LINGO2: variants seen among roughly 807,000 people sequenced by gnomAD.
LINGO2 encodes the protein leucine rich repeat and Ig domain containing 2, also known as leucine-rich repeat and immunoglobulin-like domain-containing nogo receptor-interacting protein 2.
In LINGO2, 14 loss-of-function variants were observed where a neutral mutation model predicts 30.6. That is an observed-to-expected ratio of 0.46 (90% CI 0.30 to 0.72). The LOEUF is 0.72. LINGO2 is among the 30% of genes least tolerant of loss of function. The probability of loss-of-function intolerance (pLI) is 0.07; values close to 1 mark genes in which losing one functional copy is unlikely to be tolerated. For missense variants in LINGO2, 729 were observed against 751.7 expected, an observed-to-expected ratio of 0.97 and a Z score of 0.35; for synonymous variants, 317 against 288.5, an observed-to-expected ratio of 1.10 and a Z score of -1.00.
chr9:28,889,348 G>A, the LINGO2 span, among the ~76,000 whole-genome samples: 2 of 152,024 alleles, frequency 1.3e-5, no homozygotes, highest in Non-Finnish European at 2.9e-5. Context: ...ATCTAGCAAA[G>A]GGAACTACGA....
intron 4 of LINGO2, among the ~76,000 whole-genome samples, chr9:28,277,766 A>G (rs1314026386): frequency 6.6e-6 from 1 of 151,618 alleles, no homozygotes; most frequent in Non-Finnish European, 1.5e-5. Flanking sequence ...TAGTTAGCCT[A>G]GATGGTGCCA....
At chr9:28,282,112 GA>G (rs1231693445) in intron 4 of LINGO2, among the ~76,000 whole-genome samples, 26 of 152,228 alleles carry the variant, frequency 1.7e-4, no homozygotes, top group African/African-American at 5.5e-4. Context: ...TTAGACTTGG[GA>G]AGTAGAAAGA....
intron 5 of LINGO2, among the ~76,000 whole-genome samples, chr9:27,963,265 C>T (rs1006799485): frequency 6.6e-6 from 1 of 152,046 alleles, no homozygotes; most frequent in African/African-American, 2.4e-5. Context: ...ATAATGGTTT[C>T]GTTTGTTGAA....
intron 4 of LINGO2, among the ~76,000 whole-genome samples, chr9:28,174,073 G>A (rs763088559): frequency 1.3e-5 from 2 of 152,174 alleles, no homozygotes; most frequent in Non-Finnish European, 2.9e-5. Context: ...CAATGTGGAT[G>A]CACTAAGTTT....
chr9:28,990,938 A>G, the LINGO2 span, among the ~76,000 whole-genome samples: 2 of 152,224 alleles, frequency 1.3e-5, no homozygotes, highest in Non-Finnish European at 2.9e-5. Context: ...AAAGACTGGA[A>G]ACTCTAAAAA....
the LINGO2 span, among the ~76,000 whole-genome samples, chr9:29,088,926 C>T: frequency 6.6e-6 from 1 of 152,030 alleles, no homozygotes; most frequent in Admixed American, 6.6e-5. Flanking sequence ...GAAATATGTG[C>T]TTCTGATATC....
intron 1 of LINGO2, among the ~76,000 whole-genome samples, chr9:28,507,964 T>C (rs1403655577): frequency 6.6e-6 from 1 of 152,098 alleles, no homozygotes; most frequent in Non-Finnish European, 1.5e-5. Flanking sequence ...GCCTTTCTAA[T>C]AATATATTTT....
At chr9:28,733,165 G>T in the LINGO2 span, among the ~76,000 whole-genome samples, 12 of 152,100 alleles carry the variant, frequency 7.9e-5, no homozygotes, top group Non-Finnish European at 1.8e-4. Context: ...TTAGAAATCT[G>T]AAAGTATTAT....
intron 2 of LINGO2, among the ~76,000 whole-genome samples, chr9:28,422,922 C>T (rs1823261728): frequency 6.6e-6 from 1 of 151,896 alleles, no homozygotes; most frequent in South Asian, 2.1e-4. Context: ...ATAAGCTAGT[C>T]ACAAAAGGAC....
At chr9:29,098,761 T>C in the LINGO2 span, among the ~76,000 whole-genome samples, 4 of 152,164 alleles carry the variant, frequency 2.6e-5, no homozygotes, top group African/African-American at 9.7e-5. Flanking sequence ...TTTATGAGGA[T>C]AATTCCATTA....
chr9:28,091,345 T>C (rs1009483254), intron 4 of LINGO2, among the ~76,000 whole-genome samples: 3 of 152,178 alleles, frequency 2.0e-5, no homozygotes, highest in Non-Finnish European at 2.9e-5. Flanking sequence ...CAAAACAGCA[T>C]GGTACTGGTA....
rs1037301812 is a variant in LINGO2, at chr9:28,013,503, C to G, written c.-86-1098G>C. Reference sequence around the variant, plus strand: ...AATCAATCAAAATTATCCAAATATCCTGCAAACATTTGGCTTAAAACTTTT... The same window carrying G: ...AATCAATCAAAATTATCCAAATATCGTGCAAACATTTGGCTTAAAACTTTT... On this transcript the variant is annotated intron_variant, in intron 4 of 5. Transcript: ENST00000379992. Among the ~76,000 whole-genome samples the G allele has an allele frequency of 2.0e-5, 3 of 152,288 alleles. No individual in the cohort carries two copies. The South Asian group carries it at 6.2e-4, about 32-fold the overall frequency.
At position 28,041,083 on chromosome 9, in the gene LINGO2, G is replaced by C. The variant is rs191560321; in HGVS notation, c.-86-28678C>G. 2.1e-3 allele frequency among the ~76,000 whole-genome samples: 327 copies of C among 152,212 alleles called. 1 individual carries two copies. Among genetic ancestry groups the C allele is most frequent in the African/African-American group, 7.6e-3 (315 of 41,516 alleles). The stretch of plus-strand genomic sequence containing the variant: ...TTAGCATTTCCTTTGTAAAACTGAA[G>C]GTCTAAAACTTTCCAAAAAAGCTAC... On this transcript the variant is annotated intron_variant, in intron 4 of 5. Transcript: ENST00000379992.
chr9:29,034,374 C>T, the LINGO2 span, among the ~76,000 whole-genome samples: 1 of 151,804 alleles, frequency 6.6e-6, no homozygotes, highest in East Asian at 1.9e-4. Context: ...ACATTAAATA[C>T]TTCATATTTT....
At chr9:28,864,733 T>C in the LINGO2 span, among the ~76,000 whole-genome samples, 1 of 152,088 alleles carries the variant, frequency 6.6e-6, no homozygotes, top group African/African-American at 2.4e-5. Flanking sequence ...CAACCACACA[T>C]ATAACAACCA....
chr9:29,160,452 G>A, the LINGO2 span, among the ~76,000 whole-genome samples: 1 of 152,156 alleles, frequency 6.6e-6, no homozygotes, highest in Non-Finnish European at 1.5e-5. Flanking sequence ...TGTGAAAATT[G>A]AGATAACATA....
At chr9:27,951,417 T>C (rs555150902) in intron 5 of LINGO2, among the ~76,000 whole-genome samples, 1 of 152,304 alleles carries the variant, frequency 6.6e-6, no homozygotes, top group East Asian at 1.9e-4. Flanking sequence ...AGAATCAAGG[T>C]ACAAGATGGC....
rs1491111372 is a variant in LINGO2, at chr9:28,506,485, C to CATATAT, written c.-364-30461_-364-30460insATATAT. On this transcript the variant is annotated intron_variant, in intron 1 of 5. Coordinates refer to ENST00000379992, the Ensembl canonical transcript of LINGO2. Reference sequence around the variant, plus strand: ...ACATACACACACACACACACATACACATACACACACACACACAGACATATA... The same window carrying CATATAT: ...ACATACACACACACACACACATACACATATATATACACACACACACACAGACATATA... Among the ~76,000 whole-genome samples, 30 of 73,360 alleles carry CATATAT rather than the reference C, an allele frequency of 4.1e-4. 1 individual carries two copies. Among genetic ancestry groups the CATATAT allele is most frequent in the East Asian group, 7.5e-4 (2 of 2,684 alleles). The allele number at this position is 73,360 out of a possible 152,430, so 48.1% of individuals were successfully genotyped here. A position where few individuals can be genotyped will look rare whatever the true frequency, so the allele number is the denominator to read the frequency against.
intron 1 of LINGO2, among the ~76,000 whole-genome samples, chr9:28,647,293 A>G (rs1164837722): frequency 6.6e-6 from 1 of 152,120 alleles, no homozygotes; most frequent in Non-Finnish European, 1.5e-5. Flanking sequence ...TATTATGACT[A>G]CTTAAATGTA....
Sources: gnomAD v4.1 joint callset for allele counts (sites outside exome capture counted in the v4.1 genomes callset) on GRCh38, gnomAD v4.1.1 for gene constraint, MANE v1.5 for transcripts, NCBI Gene and HGNC (gene_info 2026-07-23, HGNC 2026-07-21) for gene names.